SLC4A10: variants seen among roughly 807,000 people sequenced by gnomAD.
The protein encoded by SLC4A10 is sodium-driven chloride bicarbonate exchanger.
SLC4A10 carries 42 observed loss-of-function variants against 137.7 expected under a neutral mutation model. That is an observed-to-expected ratio of 0.30 (90% confidence interval 0.24 to 0.39). The LOEUF (loss-of-function observed/expected upper bound fraction) is 0.39, where lower values mean the gene tolerates loss of function less well. Ranked by LOEUF, SLC4A10 falls within the 10% of genes least tolerant of loss-of-function variation. The pLI, the probability that SLC4A10 is intolerant of heterozygous loss-of-function variation, is 1.00. For missense variants in SLC4A10, 925 were observed against 1,355.0 expected (o/e 0.68, Z 4.98); for synonymous variants, 474 against 464.1 (o/e 1.02, Z -0.27).
At chr2:161,901,121 C>T in intron 12 of SLC4A10, 110 bp downstream of exon 12, 1 of 791,044 alleles carries the variant, frequency 1.3e-6, no homozygotes, top group Admixed American at 2.2e-5. Context: ...TTAATACCTG[C>T]TTTTTGAGGG....
At chr2:161,677,601 T>C (rs1312590037) in intron 1 of SLC4A10, among the ~76,000 whole-genome samples, 1 of 152,192 alleles carries the variant, frequency 6.6e-6, no homozygotes, top group Non-Finnish European at 1.5e-5. Context: ...TCCCAGAATT[T>C]CTGTAAATTT....
intron 3 of SLC4A10, among the ~76,000 whole-genome samples, chr2:161,811,747 CT>C (rs2056572330): frequency 6.6e-6 from 1 of 151,924 alleles, no homozygotes; most frequent in East Asian, 1.9e-4. Context: ...TAGCTGAAAC[CT>C]TTCTTCCTAT....
intron 1 of SLC4A10, among the ~76,000 whole-genome samples, chr2:161,676,491 T>C (rs191593348): frequency 6.6e-6 from 1 of 152,200 alleles, no homozygotes; most frequent in Non-Finnish European, 1.5e-5. Flanking sequence ...TGGTAATATT[T>C]GGTTATCTTT....
intron 1 of SLC4A10, among the ~76,000 whole-genome samples, chr2:161,720,378 G>A (rs2045513390): frequency 6.6e-6 from 1 of 152,142 alleles, no homozygotes; most frequent in African/African-American, 2.4e-5. Context: ...GGTGATGTGG[G>A]TTCTTTTTTG....
chr2:161,882,478 C>T (rs1296781808), intron 10 of SLC4A10, 34 bp downstream of exon 10: 1 of 1,445,426 alleles, frequency 6.9e-7, no homozygotes, highest in East Asian at 2.5e-5. Flanking sequence ...ACATTTTCCC[C>T]CATTAGGTAT....
intron 1 of SLC4A10, among the ~76,000 whole-genome samples, chr2:161,718,849 T>C: frequency 6.6e-6 from 1 of 152,140 alleles, no homozygotes; most frequent in East Asian, 1.9e-4. Flanking sequence ...CTTTGTTGAT[T>C]TTCTGTCGTG....
chr2:161,840,299 G>T (rs1236976832), intron 4 of SLC4A10, among the ~76,000 whole-genome samples: 4 of 151,940 alleles, frequency 2.6e-5, no homozygotes, highest in Non-Finnish European at 5.9e-5. Flanking sequence ...TAAAAGAAAG[G>T]GCAAATATTA....
rs747788360 is a variant in SLC4A10, at chr2:161,771,094, C to A, written c.130+40C>A. The A allele has an allele frequency of 2.9e-6, 4 of 1,375,998 alleles. No individual in the cohort carries two copies. The South Asian group carries it at 3.8e-5, about 13-fold the overall frequency. 85.2% of individuals were successfully genotyped at this position (1,375,998 alleles called of 1,614,324 possible). A position where few individuals can be genotyped will look rare whatever the true frequency, so the allele number is the denominator to read the frequency against. The stretch of plus-strand genomic sequence containing the variant: ...CTTGGGATAGCTATTGGTGTGCTTT[C>A]CAAAAGTATTTCACAGATAAATGTA... On this transcript the variant is annotated intron_variant, in intron 2 of 26. Transcript: ENST00000446997.
Position 161,976,835 on chromosome 2 carries a change from C to A in SLC4A10, c.3303C>A (p.Ala1101=). The change falls in exon 25 of 27, where the codon GCC becomes GCA. Residue 1101 remains alanine (A), a synonymous_variant. Transcript: ENST00000446997. ...TALWRNLLIT[A]DNSKDKESSF... ...TGTGGAGGAACCTTCTGATTACTGC[C>A]GATAACTCAAAAGATAAGGAGTCAA... The A allele has an allele frequency of 6.2e-7, 1 of 1,602,270 alleles. No homozygotes were observed. The highest frequency in any genetic ancestry group is 8.5e-7 in the Non-Finnish European group (1 of 1,174,112).
Position 161,930,904 on chromosome 2 carries a change from TTTTTG to T in SLC4A10, c.1998-11858_1998-11854del, listed in dbSNP as rs370252753. ...AATCTTCATCTCATTCTGCCACATG[TTTTTG>T]TTTTGTTTTGTTTTGTTTTGTTTTG... is the stretch of plus-strand genomic sequence containing the variant. On this transcript the variant is annotated intron_variant, in intron 15 of 26. Transcript: ENST00000446997. 4.5e-3 allele frequency among the ~76,000 whole-genome samples: 668 copies of T among 148,056 alleles called. 4 individuals are homozygous for T. The highest frequency in any genetic ancestry group is 0.01 in the Middle Eastern group (3 of 292).
chr2:161,628,035 A>AT (rs1428080407), intron 1 of SLC4A10, among the ~76,000 whole-genome samples: 1 of 152,140 alleles, frequency 6.6e-6, no homozygotes, highest in East Asian at 1.9e-4. Context: ...TGGAGAATAT[A>AT]TGTAACAGTA....
chr2:161,800,832 A>T (rs1182389717), intron 2 of SLC4A10, among the ~76,000 whole-genome samples: 1 of 152,052 alleles, frequency 6.6e-6, no homozygotes, highest in Non-Finnish European at 1.5e-5. Context: ...AAATGTCAGA[A>T]TGGAGCAAAG....
rs1431534229 is a variant in SLC4A10, at chr2:161,882,458, T to C, written c.1194+14T>C. 1 of 1,543,020 alleles carries C rather than the reference T, an allele frequency of 6.5e-7. No individual in the cohort carries two copies. Among genetic ancestry groups the C allele is most frequent in the Non-Finnish European group, 8.8e-7 (1 of 1,140,456 alleles). On this transcript the variant is annotated intron_variant, in intron 10 of 26. Transcript: ENST00000446997. The stretch of plus-strand genomic sequence containing the variant: ...ATGACAGATGAGGTATTTATTCAAG[T>C]TCTTTGGGAACATTTTCCCCCATTA...
chr2:161,697,277 T>C (rs2042619964), intron 1 of SLC4A10, among the ~76,000 whole-genome samples: 2 of 152,196 alleles, frequency 1.3e-5, no homozygotes, highest in African/African-American at 4.8e-5. Flanking sequence ...CTGTTGGTAG[T>C]TTCTTTTGCT....
intron 8 of SLC4A10, among the ~76,000 whole-genome samples, chr2:161,875,248 T>G (rs116030310): frequency 0.016 from 2,429 of 152,256 alleles, 67 homozygotes; most frequent in African/African-American, 0.055. Context: ...TGAGTTGATA[T>G]TTTTTAGCCT....
At chr2:161,768,377 C>G (rs535516202) in intron 1 of SLC4A10, among the ~76,000 whole-genome samples, 6 of 151,918 alleles carry the variant, frequency 3.9e-5, no homozygotes, top group Admixed American at 2.0e-4. Context: ...TCCCCAAAGT[C>G]CGATTATTTT....
chr2:161,710,546 T>G (rs1390728986), intron 1 of SLC4A10: 2 of 228,122 alleles, frequency 8.8e-6, no homozygotes, highest in Non-Finnish European at 1.9e-5. Context: ...TTTCAAAATA[T>G]ACTACAATAA....
chr2:161,935,002 T>C (rs999015110), intron 15 of SLC4A10, among the ~76,000 whole-genome samples: 1 of 152,148 alleles, frequency 6.6e-6, no homozygotes, highest in African/African-American at 2.4e-5. Flanking sequence ...CAAAAAAAAA[T>C]TATGCAGACA....
chr2:161,666,230 A>G (rs1018902198), intron 1 of SLC4A10, among the ~76,000 whole-genome samples: 3 of 151,598 alleles, frequency 2.0e-5, no homozygotes, highest in Non-Finnish European at 4.4e-5. Context: ...ATCCAAATTA[A>G]CCTGTAGTTT....
Sources: gnomAD v4.1 joint callset for allele counts (sites outside exome capture counted in the v4.1 genomes callset) on GRCh38, gnomAD v4.1.1 for gene constraint, MANE v1.5 for transcripts, NCBI Gene and HGNC (gene_info 2026-07-23, HGNC 2026-07-21) for gene names.